The following IQSEC2 variants were observed in gnomAD, a reference collection of about 807,000 sequenced individuals.
IQSEC2 encodes IQ motif and SEC7 domain-containing protein 2.
IQSEC2 carries 6 observed loss-of-function variants against 74.6 expected under a neutral mutation model. The observed-to-expected ratio is 0.08, with a 90% CI of 0.04 to 0.16. The LOEUF is 0.16. IQSEC2 is among the 10% of genes least tolerant of loss of function. IQSEC2 has a pLI of 1.00. For synonymous variants in IQSEC2, 494 were observed against 544.5 expected (o/e 0.91, Z 1.29); for missense variants, 734 against 1,306.2 (o/e 0.56, Z 6.75).
rs782726368 is a variant in IQSEC2 at position 53,320,689 on chromosome X, G to A, written c.435C>T (p.Thr145=). ...CGTCACGCTCGCGGGCTGTGTAACC[G>A]GTAGTGTCCTGGAGCGGGTAGGAGG... The part of the protein sequence containing the change: ...RDASYPLQDT[T]GYTARERDVA... Residue 145 remains threonine, a synonymous_variant, in exon 1 of 15, where the codon ACC becomes ACT. Transcript: ENST00000642864. 1,579 of 1,165,643 alleles carry A rather than the reference G, an allele frequency of 1.4e-3. 6 individuals are homozygous for A. Among genetic ancestry groups the A allele is most frequent in the Middle Eastern group, 3.2e-3 (13 of 4,063 alleles).
chrX:53,269,267 C>T (rs1310465798), intron 2 of IQSEC2, among the ~76,000 whole-genome samples: 1 of 112,069 alleles, frequency 8.9e-6, no homozygotes, highest in South Asian at 3.7e-4. Context: ...CTCCAGCATC[C>T]GTTCCCTTGG....
intron 2 of IQSEC2, chrX:53,279,542 G>C: frequency 3.0e-6 from 3 of 1,005,769 alleles, no homozygotes; most frequent in Non-Finnish European, 4.2e-6. Context: ...GGAATTGGGG[G>C]AGGGATGGGT....
intron 11 of IQSEC2, 27 bp from the exon 12 acceptor site, chrX:53,238,333 C>G: frequency 4.2e-6 from 5 of 1,200,514 alleles, no homozygotes; most frequent in Non-Finnish European, 5.6e-6. Flanking sequence ...GACTGGGCAC[C>G]TCTGTTGGGA....
chrX:53,262,714 T>G (rs2074587640), intron 2 of IQSEC2, among the ~76,000 whole-genome samples: 1 of 112,533 alleles, frequency 8.9e-6, no homozygotes, highest in African/African-American at 3.2e-5. Context: ...TAGCCCAGCC[T>G]GGCTTGGCAC....
At chrX:53,251,555 C>A (rs1156966495) in intron 4 of IQSEC2, among the ~76,000 whole-genome samples, 2 of 111,871 alleles carry the variant, frequency 1.8e-5, no homozygotes, top group Non-Finnish European at 3.8e-5. Context: ...TGTGGGAATT[C>A]TCTTAGGAAA....
chrX:53,255,568 G>A (rs2074453647), intron 3 of IQSEC2, among the ~76,000 whole-genome samples: 1 of 111,172 alleles, frequency 9.0e-6, no homozygotes, highest in Middle Eastern at 4.2e-3. Flanking sequence ...TCTTTACATC[G>A]CCAGGACCCG....
chrX:53,263,693 G>T (rs1186364957), intron 2 of IQSEC2, among the ~76,000 whole-genome samples: 2 of 111,638 alleles, frequency 1.8e-5, no homozygotes, highest in Non-Finnish European at 3.8e-5. Flanking sequence ...TGGGCAGGTT[G>T]GTCCTTCTGG....
At chrX:53,296,293 C>G (rs1156796013) in intron 1 of IQSEC2, among the ~76,000 whole-genome samples, 1 of 111,507 alleles carries the variant, frequency 9.0e-6, no homozygotes, top group Non-Finnish European at 1.9e-5. Context: ...CCTCAGCCTC[C>G]CAAAGTGCTG....
rs372056773 is a variant in IQSEC2, at chrX:53,274,343, A to G, written c.737+17552T>C. Among the ~76,000 whole-genome samples, 115 of 110,616 alleles carry G rather than the reference A, an allele frequency of 1.0e-3. 2 individuals carry two copies. Among genetic ancestry groups the G allele is most frequent in the African/African-American group, 3.5e-3 (106 of 30,435 alleles). ...AACTGACAAACTAGCCCCATAAAAA[A>G]TGTTACCAATTTGCAGAAGGTATCT... On this transcript the variant is annotated intron_variant, in intron 2 of 14. Coordinates refer to ENST00000642864, the MANE Select transcript of IQSEC2 (RefSeq NM_001111125.3).
intron 8 of IQSEC2, among the ~76,000 whole-genome samples, chrX:53,244,430 G>T (rs2074271346): frequency 9.4e-6 from 1 of 106,887 alleles, no homozygotes; most frequent in African/African-American, 3.4e-5. Flanking sequence ...GGAGGCTGAA[G>T]TGGGATAATA....
chrX:53,305,093 A>G (rs2075247572), intron 1 of IQSEC2, among the ~76,000 whole-genome samples: 1 of 109,541 alleles, frequency 9.1e-6, no homozygotes, highest in African/African-American at 3.3e-5. Flanking sequence ...TAATTTTTGT[A>G]TTTTTAGTAG....
chrX:53,242,789 G>A (rs2147056447), intron 9 of IQSEC2, among the ~76,000 whole-genome samples: 1 of 111,169 alleles, frequency 9.0e-6, no homozygotes, highest in East Asian at 2.8e-4. Flanking sequence ...AGGCTGGAGT[G>A]CGTTGGCACG....
rs1556861324 is a variant in IQSEC2 at position 53,243,364 on chromosome X, C to T, written c.2857G>A (p.Ala953Thr). 8.6e-7 allele frequency: 1 copy of T among 1,167,444 alleles called. No homozygotes were observed. Among genetic ancestry groups the T allele is most frequent in the East Asian group, 3.3e-5 (1 of 30,756 alleles). The change falls in exon 9 of 15, where the codon GCT (alanine) becomes ACT (threonine). Residue 953 changes from alanine (A) to threonine (T), a missense_variant. This residue lies in a region of IQSEC2 where 249 missense variants were observed against 467.9 expected (regional missense o/e 0.53). Coordinates refer to ENST00000642864, the MANE Select transcript of IQSEC2 (RefSeq NM_001111125.3). ...TTTCCAACAATCATGCGCTCCACAGCCTGCACCTGGGACACATGGTCATCG... is the reference window on the plus strand; with the variant it reads ...TTTCCAACAATCATGCGCTCCACAGTCTGCACCTGGGACACATGGTCATCG... ...TNDDHVSQVQ[A>T]VERMIVGKKP...
chrX:53,306,220 A>G (rs1172413501), intron 1 of IQSEC2, among the ~76,000 whole-genome samples: 1 of 111,905 alleles, frequency 8.9e-6, no homozygotes, highest in East Asian at 2.8e-4. Context: ...CCGCCTGGAC[A>G]AAGAGGCTGG....
chrX:53,257,821 G>A (rs1199463664), intron 2 of IQSEC2, among the ~76,000 whole-genome samples: 2 of 111,854 alleles, frequency 1.8e-5, no homozygotes, highest in African/African-American at 6.5e-5. Flanking sequence ...AACCGTATGA[G>A]GTAGGTACTG....
intron 2 of IQSEC2, among the ~76,000 whole-genome samples, chrX:53,257,814 C>T (rs1440704520): frequency 8.9e-6 from 1 of 111,959 alleles, no homozygotes; most frequent in African/African-American, 3.3e-5. Flanking sequence ...TCAAGACAAC[C>T]GTATGAGGTA....
At chrX:53,294,307 G>T (rs1208387715) in intron 1 of IQSEC2, among the ~76,000 whole-genome samples, 5 of 112,497 alleles carry the variant, frequency 4.4e-5, no homozygotes, top group African/African-American at 1.6e-4. Flanking sequence ...CTAGCTTGAG[G>T]GTACACAGCA....
chrX:53,278,003 CTTTTTTTTTTTTTTT>C (rs36027805), intron 2 of IQSEC2, among the ~76,000 whole-genome samples: 4 of 37,573 alleles, frequency 1.1e-4, no homozygotes, highest in Non-Finnish European at 1.3e-4. Context: ...TTTTCTTTTT[CTTTTTTTTTTTTTTT>C]TTTTTTTTTT....
chrX:53,313,047 C>A (rs1276560629), intron 1 of IQSEC2, among the ~76,000 whole-genome samples: 1 of 112,293 alleles, frequency 8.9e-6, no homozygotes, highest in Non-Finnish European at 1.9e-5. Flanking sequence ...CCTGATCAGC[C>A]GTGTAGCTCT....
Sources: gnomAD v4.1 joint callset for allele counts (sites outside exome capture counted in the v4.1 genomes callset) on GRCh38, gnomAD v4.1.1 for gene constraint, gnomAD v4.1.1 regional missense constraint, MANE v1.5 for transcripts, NCBI Gene and HGNC (gene_info 2026-07-23, HGNC 2026-07-21) for gene names.